MBNL2: variants seen among roughly 807,000 people sequenced by gnomAD.
The protein encoded by MBNL2 is muscleblind like splicing regulator 2.
MBNL2 carries 17 observed loss-of-function variants against 41.9 expected under a neutral mutation model. The observed-to-expected ratio is 0.41, with a 90% CI of 0.28 to 0.61. The LOEUF is 0.61. MBNL2 is among the 20% of genes least tolerant of loss of function. The pLI is 0.35. For missense variants in MBNL2, 336 were observed against 505.6 expected, an observed-to-expected ratio of 0.66 and a Z score of 3.22; for synonymous variants, 195 against 182.9, an observed-to-expected ratio of 1.07 and a Z score of -0.53.
Position 97,299,682 on chromosome 13 carries a change from A to G in MBNL2, c.174+23273A>G, listed in dbSNP as rs9584540. Among the ~76,000 whole-genome samples, 286 of 151,640 alleles carry G rather than the reference A, an allele frequency of 1.9e-3. 1 individual carries two copies. The highest frequency in any genetic ancestry group is 6.0e-3 in the African/African-American group (247 of 41,108). ...TATCTATCTATCTATCTATCTATCT[A>G]TCTATCATCTATATCCAAGATTACA... On this transcript the variant is annotated intron_variant, in intron 2 of 8. Transcript: ENST00000679496.
rs9556697 is a variant in MBNL2, at chr13:97,304,765, T to C, written c.174+28356T>C. On this transcript the variant is annotated intron_variant, in intron 2 of 8. Transcript: ENST00000679496. ...TAAATGCATTATTACATATATATTA[T>C]TACATATATAAATGCATTGTTACAA... 5.2e-3 allele frequency among the ~76,000 whole-genome samples: 798 copies of C among 152,336 alleles called. 62 individuals carry two copies. In the East Asian group the frequency reaches 0.13, roughly 26 times the overall value.
intron 3 of MBNL2, among the ~76,000 whole-genome samples, chr13:97,341,217 AG>A (rs572563791): frequency 1.4e-3 from 220 of 152,314 alleles, no homozygotes; most frequent in African/African-American, 5.2e-3. Context: ...CTAAAATTCA[AG>A]TATCAAGGTC....
the MBNL2 span, among the ~76,000 whole-genome samples, chr13:97,202,649 C>A: frequency 1.3e-5 from 2 of 152,126 alleles, no homozygotes; most frequent in Non-Finnish European, 2.9e-5. Flanking sequence ...GACGTGAATA[C>A]CATTATCCTA....
chr13:97,272,252 C>G (rs1264084666), intron 1 of MBNL2, among the ~76,000 whole-genome samples: 1 of 152,014 alleles, frequency 6.6e-6, no homozygotes, highest in African/African-American at 2.4e-5. Context: ...ATATCCATTG[C>G]CCTTTTCATA....
intron 1 of MBNL2, among the ~76,000 whole-genome samples, chr13:97,272,465 A>C (rs989414120): frequency 6.6e-6 from 1 of 152,080 alleles, no homozygotes; most frequent in African/African-American, 2.4e-5. Flanking sequence ...ATTAGATCCC[A>C]TTTATCAATT....
At chr13:97,348,276 T>C (rs993234443) in intron 5 of MBNL2, among the ~76,000 whole-genome samples, 13 of 151,918 alleles carry the variant, frequency 8.6e-5, no homozygotes, top group African/African-American at 2.9e-4. Flanking sequence ...TCCAGGCTAG[T>C]CTCAAAACTC....
At chr13:97,227,442 G>C (rs921048169) in intron 1 of MBNL2, among the ~76,000 whole-genome samples, 3 of 152,144 alleles carry the variant, frequency 2.0e-5, no homozygotes, top group Admixed American at 1.3e-4. Context: ...ATGAGATAAG[G>C]ATGGTTAAGC....
the MBNL2 span, among the ~76,000 whole-genome samples, chr13:97,189,981 G>A: frequency 6.6e-6 from 1 of 152,230 alleles, no homozygotes; most frequent in Non-Finnish European, 1.5e-5. Context: ...AGCTCAGCCT[G>A]ATATGTTTTT....
chr13:97,277,531 G>C (rs1396471667), intron 2 of MBNL2, among the ~76,000 whole-genome samples: 1 of 152,078 alleles, frequency 6.6e-6, no homozygotes, highest in African/African-American at 2.4e-5. Flanking sequence ...GGATAATTTT[G>C]TCTTAAGTAA....
At chr13:97,328,674 G>T (rs2060119888) in intron 2 of MBNL2, among the ~76,000 whole-genome samples, 1 of 152,204 alleles carries the variant, frequency 6.6e-6, no homozygotes, top group Admixed American at 6.5e-5. Context: ...GAATACAAAT[G>T]GCGGGGGCCT....
At chr13:97,373,725 T>C (rs955607353) in intron 8 of MBNL2, among the ~76,000 whole-genome samples, 1 of 151,946 alleles carries the variant, frequency 6.6e-6, no homozygotes, top group African/African-American at 2.4e-5. Context: ...TTCAAGAAAT[T>C]AGAAAATAAG....
chr13:97,360,883 G>A (rs1449317943), intron 7 of MBNL2, among the ~76,000 whole-genome samples: 2 of 152,184 alleles, frequency 1.3e-5, no homozygotes, highest in East Asian at 3.8e-4. Flanking sequence ...AGTAGAACAG[G>A]GGACAGTGCC....
At chr13:97,360,195 G>A (rs959176418) in intron 7 of MBNL2, among the ~76,000 whole-genome samples, 8 of 152,218 alleles carry the variant, frequency 5.3e-5, no homozygotes, top group African/African-American at 1.9e-4. Context: ...AACAAAAATA[G>A]CATTTTTGTT....
chr13:97,349,753 A>T (rs2062259537), intron 5 of MBNL2, among the ~76,000 whole-genome samples: 1 of 152,166 alleles, frequency 6.6e-6, no homozygotes, highest in Admixed American at 6.5e-5. Context: ...CTTCAGAACC[A>T]ACAGGTCACT....
intron 1 of MBNL2, among the ~76,000 whole-genome samples, chr13:97,244,698 A>G (rs1371061452): frequency 6.6e-6 from 1 of 152,188 alleles, no homozygotes; most frequent in Non-Finnish European, 1.5e-5. Context: ...AGAATCAGAC[A>G]TTTGTTTCAC....
At chr13:97,219,965 T>G (rs1420712301), upstream of MBNL2, among the ~76,000 whole-genome samples, 1 of 152,232 alleles carries the variant, frequency 6.6e-6, no homozygotes, top group African/African-American at 2.4e-5. Context: ...TTTCTAAATA[T>G]TTAGGTGTTA....
At position 97,379,109 on chromosome 13, in the gene MBNL2, C is replaced by T. The variant is rs762258707; in HGVS notation, c.1049-12213C>T. 5.9e-5 allele frequency among the ~76,000 whole-genome samples: 9 copies of T among 152,298 alleles called. No individual in the cohort carries two copies. In the South Asian group the frequency reaches 6.2e-4, roughly 11 times the overall value. ...TTCATATGACTCCCCTTAAAAACTC[C>T]GAACTACTGAGTTTATTGCTTTGAA... On this transcript the variant is annotated intron_variant, in intron 8 of 8. Transcript: ENST00000679496.
chr13:97,154,720 T>A, the MBNL2 span, among the ~76,000 whole-genome samples: 5 of 152,148 alleles, frequency 3.3e-5, no homozygotes, highest in Non-Finnish European at 1.5e-5. Flanking sequence ...TCTGCCTTTA[T>A]CCCTCATGTC....
chr13:97,357,422 G>A (rs765928414), intron 6 of MBNL2, 60 bp from the exon 7 acceptor site: 2 of 1,398,390 alleles, frequency 1.4e-6, no homozygotes, highest in Non-Finnish European at 2.0e-6. Context: ...TGATCTCTGT[G>A]AACATGGAAG....
Sources: allele counts gnomAD v4.1 joint callset (sites outside exome capture counted in the v4.1 genomes callset), GRCh38; gene constraint gnomAD v4.1.1; transcripts MANE v1.5; gene names NCBI Gene and HGNC (gene_info 2026-07-23, HGNC 2026-07-21).